Variants in PREX2 observed in about 807,000 individuals in gnomAD.
PREX2 encodes phosphatidylinositol 3,4,5-trisphosphate-dependent Rac exchanger 2 protein.
A neutral mutation model predicts 203.2 loss-of-function variants in PREX2; 107 were observed. That is an observed-to-expected ratio of 0.53 (90% CI 0.45 to 0.62). The LOEUF is 0.62. PREX2 is among the 20% of genes least tolerant of loss of function. PREX2 has a pLI of 0.00. For synonymous variants in PREX2, 672 were observed against 663.6 expected, an observed-to-expected ratio of 1.01 and a Z score of -0.19; for missense variants, 1,777 against 1,955.9, an observed-to-expected ratio of 0.91 and a Z score of 1.72.
chr8:68,182,523 A>C (rs973790345), intron 35 of PREX2, among the ~76,000 whole-genome samples: 2 of 152,110 alleles, frequency 1.3e-5, no homozygotes, highest in African/African-American at 4.8e-5. Flanking sequence ...CCTGCATATA[A>C]AGAATCCTCT....
At chr8:67,986,878 A>T (rs187878399) in intron 1 of PREX2, among the ~76,000 whole-genome samples, 196 of 152,258 alleles carry the variant, frequency 1.3e-3, no homozygotes, top group African/African-American at 4.5e-3. Flanking sequence ...AAAAAAGAAC[A>T]TCACTGGCCA....
chr8:68,096,164 T>C (rs1374315724), intron 21 of PREX2, among the ~76,000 whole-genome samples: 1 of 152,202 alleles, frequency 6.6e-6, no homozygotes, highest in Non-Finnish European at 1.5e-5. Context: ...GAGGTTTGTA[T>C]TCCTAATTTG....
At chr8:68,189,209 C>A (rs183941408) in intron 35 of PREX2, among the ~76,000 whole-genome samples, 136 of 152,316 alleles carry the variant, frequency 8.9e-4, no homozygotes, top group African/African-American at 3.2e-3. Flanking sequence ...TGAAAGGACA[C>A]ACAGACCTTT....
At chr8:68,094,004 G>T (rs544854937) in intron 21 of PREX2, among the ~76,000 whole-genome samples, 1 of 152,284 alleles carries the variant, frequency 6.6e-6, no homozygotes, top group African/African-American at 2.4e-5. Flanking sequence ...TTTGAGTGGA[G>T]AAAACACTAA....
intron 37 of PREX2, among the ~76,000 whole-genome samples, chr8:68,209,084 A>AG (rs1426847617): frequency 3.3e-5 from 5 of 151,450 alleles, no homozygotes; most frequent in South Asian, 4.2e-4. Flanking sequence ...AAAAAAAAAA[A>AG]AAAAAAGAAA....
At chr8:68,104,619 T>C (rs1247530544) in intron 23 of PREX2, among the ~76,000 whole-genome samples, 1 of 152,206 alleles carries the variant, frequency 6.6e-6, no homozygotes, top group East Asian at 1.9e-4. Flanking sequence ...CCTCTTACAC[T>C]GCTCAATTTT....
rs748104083 is a variant in PREX2, at chr8:68,120,940, A to T, written c.3615A>T (p.Glu1205Asp). 2.5e-6 allele frequency: 4 copies of T among 1,612,838 alleles called. No homozygotes were observed. The highest frequency in any genetic ancestry group is 8.5e-7 in the Non-Finnish European group (1 of 1,179,416). The stretch of plus-strand genomic sequence containing the variant: ...ATTTAGAATTTCAACAGGAAATGGA[A>T]CCAAAGCTGAGTTGTCCAAAAAGGC... ...RGLQEFQQEM[E>D]PKLSCPKRLR... The change falls in exon 30 of 40, where the codon GAA becomes GAT. Residue 1205 changes from glutamate (E) to aspartate (D), a missense_variant. By Grantham distance (45) the Glu-to-Asp change is conservative. Transcript: ENST00000288368.
chr8:68,030,460 A>C, intron 5 of PREX2, 37 bp from the exon 6 acceptor site: 1 of 1,602,440 alleles, frequency 6.2e-7, no homozygotes, highest in Admixed American at 1.7e-5. Flanking sequence ...AGAAAGCTGA[A>C]GATCAAAGGG....
At chr8:67,995,899 A>T (rs1563490702) in intron 1 of PREX2, among the ~76,000 whole-genome samples, 1 of 152,122 alleles carries the variant, frequency 6.6e-6, no homozygotes, top group Non-Finnish European at 1.5e-5. Flanking sequence ...TTTATGAGAA[A>T]CTATTTTTCA....
At chr8:68,149,457 T>TAGA (rs1811390574) in intron 34 of PREX2, among the ~76,000 whole-genome samples, 1 of 152,214 alleles carries the variant, frequency 6.6e-6, no homozygotes, top group African/African-American at 2.4e-5. Context: ...ACCAAACTGC[T>TAGA]AGAGTGTGCC....
intron 1 of PREX2, among the ~76,000 whole-genome samples, chr8:67,959,896 C>A (rs899429879): frequency 6.6e-6 from 1 of 152,160 alleles, no homozygotes; most frequent in Non-Finnish European, 1.5e-5. Flanking sequence ...TTTGGGCAAA[C>A]AACACAGCCT....
At chr8:68,153,090 G>A (rs114731523) in intron 34 of PREX2, among the ~76,000 whole-genome samples, 1,718 of 152,178 alleles carry the variant, frequency 0.011, 37 homozygotes, top group African/African-American at 0.04. Context: ...TGTATCACAC[G>A]GCCATTCTCA....
chr8:68,083,471 G>T, intron 18 of PREX2, 83 bp downstream of exon 18: 5 of 1,054,268 alleles, frequency 4.7e-6, no homozygotes, highest in Non-Finnish European at 6.9e-6. Context: ...TAAATGCTTA[G>T]AATTAAGCAT....
intron 1 of PREX2, among the ~76,000 whole-genome samples, chr8:67,975,298 T>C (rs1806046086): frequency 1.6e-5 from 2 of 127,476 alleles, no homozygotes; most frequent in South Asian, 5.8e-4. Flanking sequence ...TTTTTTTTTT[T>C]TGGTGTGTGT....
Position 68,231,439 on chromosome 8 carries a change from A to G in PREX2, c.*61A>G, listed in dbSNP as rs1000825927. 32 of 1,315,818 alleles carry G rather than the reference A, an allele frequency of 2.4e-5. No homozygotes were observed. The highest frequency in any genetic ancestry group is 4.2e-6 in the Non-Finnish European group (4 of 955,236). 81.5% of individuals were successfully genotyped at this position (1,315,818 alleles called of 1,614,324 possible). On this transcript the variant is annotated 3_prime_UTR_variant, in exon 40 of 40. Transcript: ENST00000288368. The stretch of plus-strand genomic sequence containing the variant: ...CTGAATGCTGGACTAGACAAACTAC[A>G]TGCTGGCTAAACATTCTCCACTGAA...
chr8:68,047,483 A>G lies in PREX2; in HGVS notation c.943+2893A>G, dbSNP rs931841010. Among the ~76,000 whole-genome samples, 256 of 102,282 alleles carry G rather than the reference A, an allele frequency of 2.5e-3. 1 individual carries two copies. The highest frequency in any genetic ancestry group is 0.017 in the Middle Eastern group (4 of 238). The allele number at this position is 102,282 out of a possible 152,430, so 67.1% of individuals were successfully genotyped here. ...AATGGATGAATTTATATATATATAT[A>G]TATATATATATATATATATATATAC... On this transcript the variant is annotated intron_variant, in intron 8 of 39. Transcript: ENST00000288368.
chr8:68,062,137 C>T (rs1808876038), intron 11 of PREX2, among the ~76,000 whole-genome samples: 1 of 152,112 alleles, frequency 6.6e-6, no homozygotes, highest in South Asian at 2.1e-4. Flanking sequence ...CTTTCTCTCC[C>T]TCATGCCGTC....
At chr8:68,146,511 G>T (rs1470756881) in intron 34 of PREX2, among the ~76,000 whole-genome samples, 159 bp downstream of exon 34, 1 of 152,092 alleles carries the variant, frequency 6.6e-6, no homozygotes, top group Non-Finnish European at 1.5e-5. Context: ...AGGAAATAAT[G>T]CATGATTTAA....
At chr8:67,979,156 A>C (rs1429059096) in intron 1 of PREX2, among the ~76,000 whole-genome samples, 2 of 152,190 alleles carry the variant, frequency 1.3e-5, no homozygotes, top group African/African-American at 4.8e-5. Context: ...GTTTCTGTGT[A>C]CTGTTATACT....
Sources: allele counts gnomAD v4.1 joint callset (sites outside exome capture counted in the v4.1 genomes callset), GRCh38; gene constraint gnomAD v4.1.1; transcripts MANE v1.5; gene names NCBI Gene and HGNC (gene_info 2026-07-23, HGNC 2026-07-21).